Variants in NRG1 observed in about 807,000 individuals in gnomAD.
NRG1 encodes pro-neuregulin-1, membrane-bound isoform.
Under a neutral mutation model 63.8 loss-of-function variants are expected in NRG1, and 18 were observed. That is an observed-to-expected ratio of 0.28 (90% CI 0.19 to 0.42). The LOEUF (loss-of-function observed/expected upper bound fraction) is 0.42. Among genes scored for constraint, NRG1 ranks in the 10% least tolerant of loss-of-function variants. NRG1 has a pLI of 1.00. For synonymous variants in NRG1, 302 were observed against 301.3 expected (o/e 1.00, Z -0.02); for missense variants, 762 against 814.7 (o/e 0.94, Z 0.79).
intron 1 of NRG1, among the ~76,000 whole-genome samples, chr8:31,877,086 A>T (rs375210175): frequency 1.2e-4 from 18 of 152,196 alleles, no homozygotes; most frequent in African/African-American, 4.1e-4. Context: ...TTGTGAAAAG[A>T]ATACCAAATT....
intron 1 of NRG1, among the ~76,000 whole-genome samples, chr8:32,282,250 T>G (rs1280821440): frequency 2.0e-5 from 3 of 152,164 alleles, no homozygotes; most frequent in Admixed American, 2.0e-4. Flanking sequence ...GGCTGGACAA[T>G]AGGTCTCTCT....
rs572463414 is a variant in NRG1 at position 32,233,973 on chromosome 8, C to T, written c.38-361855C>T. ...CATTAAGGAATGTCTGAAACATGTC[C>T]AGATTTTTATTTCAGTGGCTTAGTT... is the stretch of plus-strand genomic sequence containing the variant. On this transcript the variant is annotated intron_variant, in intron 1 of 10. Coordinates refer to the NRG1 transcript ENST00000519301. Among the ~76,000 whole-genome samples the T allele has an allele frequency of 2.0e-5, 3 of 152,160 alleles. No individual in the cohort carries two copies. The East Asian group carries it at 5.8e-4, about 29-fold the overall frequency.
At chr8:32,097,645 CA>C (rs1376570614) in intron 1 of NRG1, among the ~76,000 whole-genome samples, 2 of 152,010 alleles carry the variant, frequency 1.3e-5, no homozygotes, top group African/African-American at 2.4e-5. Context: ...GGGATGAGTA[CA>C]AAAGATGAGG....
chr8:32,723,044 A>G (rs1821038371), intron 5 of NRG1, among the ~76,000 whole-genome samples: 1 of 152,072 alleles, frequency 6.6e-6, no homozygotes, highest in South Asian at 2.1e-4. Flanking sequence ...TTCTTTTTTT[A>G]CTTTTGTTTG....
At chr8:32,356,723 T>G (rs1482701638) in intron 1 of NRG1, among the ~76,000 whole-genome samples, 1 of 152,218 alleles carries the variant, frequency 6.6e-6, no homozygotes, top group Non-Finnish European at 1.5e-5. Flanking sequence ...AATTGGGAGA[T>G]ATTTGTGAAT....
intron 1 of NRG1, among the ~76,000 whole-genome samples, chr8:32,044,973 C>G (rs1359438890): frequency 1.1e-5 from 1 of 95,198 alleles, no homozygotes; most frequent in East Asian, 2.7e-4. Flanking sequence ...TAATAAAGAG[C>G]ATACATCAAT....
intron 1 of NRG1, among the ~76,000 whole-genome samples, chr8:31,963,644 C>T (rs1032545499): frequency 6.6e-6 from 1 of 152,136 alleles, no homozygotes; most frequent in Non-Finnish European, 1.5e-5. Flanking sequence ...AATTGTATAT[C>T]TCCTCTCTTT....
intron 1 of NRG1, among the ~76,000 whole-genome samples, chr8:32,325,524 C>T (rs1375916270): frequency 1.3e-5 from 2 of 152,098 alleles, no homozygotes; most frequent in African/African-American, 4.8e-5. Flanking sequence ...GGACTATAGG[C>T]ATGTGCTGCT....
chr8:32,503,288 G>A (rs1433256196), intron 1 of NRG1, among the ~76,000 whole-genome samples: 5,802 of 52,594 alleles, frequency 0.11, 1 homozygote, highest in Middle Eastern at 0.15. Context: ...CTCTGTCTCA[G>A]AAAAAAAAAA....
At chr8:31,905,604 C>T (rs2129616163) in intron 1 of NRG1, among the ~76,000 whole-genome samples, 1 of 152,214 alleles carries the variant, frequency 6.6e-6, no homozygotes, top group African/African-American at 2.4e-5. Flanking sequence ...TCTCAGTAGG[C>T]TGCATTATAA....
At chr8:32,268,858 G>A (rs17624670) in intron 1 of NRG1, among the ~76,000 whole-genome samples, 27,792 of 151,992 alleles carry the variant, frequency 0.18, 2,683 homozygotes, top group East Asian at 0.23. Flanking sequence ...GAAGCACGAA[G>A]GACGGGTAAA....
intron 1 of NRG1, chr8:32,221,233 T>C (rs1300653431): frequency 1.3e-5 from 2 of 152,138 alleles, no homozygotes; most frequent in African/African-American, 4.8e-5. Flanking sequence ...GAGCTGTAGT[T>C]ACACGGAGAT....
intron 1 of NRG1, among the ~76,000 whole-genome samples, chr8:31,698,349 G>C (rs1810299831): frequency 6.6e-6 from 1 of 152,152 alleles, no homozygotes; most frequent in Non-Finnish European, 1.5e-5. Context: ...CCATTTACAG[G>C]ATGCTAGTGA....
intron 1 of NRG1, among the ~76,000 whole-genome samples, chr8:32,394,834 G>C (rs577872578): frequency 2.6e-5 from 4 of 152,228 alleles, no homozygotes; most frequent in East Asian, 3.9e-4. Context: ...ATTTTTACGG[G>C]GTGACAAAGC....
chr8:32,268,218 C>G (rs1040944366), intron 1 of NRG1, among the ~76,000 whole-genome samples: 48 of 152,258 alleles, frequency 3.2e-4, no homozygotes, highest in African/African-American at 1.0e-3. Flanking sequence ...GAGACTGCAG[C>G]CCTAGCCAGT....
rs142272565 is a variant in NRG1, at chr8:31,971,159, T to C, written c.37+331728T>C. 4.6e-3 allele frequency among the ~76,000 whole-genome samples: 697 copies of C among 152,316 alleles called. 3 individuals carry two copies. Among genetic ancestry groups the C allele is most frequent in the African/African-American group, 0.016 (665 of 41,568 alleles). On this transcript the variant is annotated intron_variant, in intron 1 of 10. Transcript: ENST00000519301. The stretch of plus-strand genomic sequence containing the variant: ...GTAGTGTCCTTATTGTTTTAAGACT[T>C]CATCGTATATTCTGGATACAATTCC...
intron 1 of NRG1, among the ~76,000 whole-genome samples, chr8:32,102,794 C>T (rs17692513): frequency 0.02 from 3,100 of 152,054 alleles, 47 homozygotes; most frequent in South Asian, 0.058. Flanking sequence ...GTAATAGTAT[C>T]GAATATTAGT....
intron 1 of NRG1, among the ~76,000 whole-genome samples, chr8:32,400,930 G>A (rs1813102567): frequency 6.6e-6 from 1 of 152,152 alleles, no homozygotes; most frequent in South Asian, 2.1e-4. Context: ...AGAAAATGTG[G>A]TACATATACA....
chr8:31,857,157 C>G (rs1306318075), intron 1 of NRG1, among the ~76,000 whole-genome samples: 3 of 152,196 alleles, frequency 2.0e-5, no homozygotes, highest in African/African-American at 4.8e-5. Flanking sequence ...CCAGCTTCCC[C>G]CCTGCTTTGT....
Sources: allele counts gnomAD v4.1 joint callset (sites outside exome capture counted in the v4.1 genomes callset), GRCh38; gene constraint gnomAD v4.1.1; transcripts MANE v1.5; gene names NCBI Gene and HGNC (gene_info 2026-07-23, HGNC 2026-07-21).